The following TPST1 variants were observed in gnomAD, a reference collection of about 807,000 sequenced individuals.
TPST1 encodes the protein protein-tyrosine sulfotransferase 1.
TPST1 carries 20 observed loss-of-function variants against 34.8 expected under a neutral mutation model. The observed-to-expected ratio is 0.57, with a 90% CI of 0.40 to 0.84. TPST1 has a LOEUF of 0.84. Among genes scored for constraint, TPST1 ranks in the 40% least tolerant of loss-of-function variants. TPST1 has a pLI of 0.00. For synonymous variants in TPST1, 152 were observed against 159.4 expected (o/e 0.95, Z 0.35); for missense variants, 353 against 455.5 (o/e 0.78, Z 2.05).
chr7:66,306,492 G>C (rs7798630), intron 3 of TPST1, among the ~76,000 whole-genome samples: 101,182 of 151,986 alleles, frequency 0.67, 34,038 homozygotes, highest in African/African-American at 0.76. Context: ...TTCCCTGCTT[G>C]CTCTGACCAG....
At chr7:66,275,892 AT>A (rs1790799141) in intron 2 of TPST1, among the ~76,000 whole-genome samples, 1 of 152,152 alleles carries the variant, frequency 6.6e-6, no homozygotes, top group Admixed American at 6.6e-5. Flanking sequence ...AAAAGTGATT[AT>A]GTGAGGTAAT....
chr7:66,286,390 T>C (rs1376569300), intron 2 of TPST1, 121 bp from the exon 3 acceptor site: 2 of 751,214 alleles, frequency 2.7e-6, no homozygotes, highest in African/African-American at 3.6e-5. Context: ...AGTGCCCTCT[T>C]TCTCAATTGT....
intron 2 of TPST1, among the ~76,000 whole-genome samples, chr7:66,250,829 C>T (rs536293446): frequency 5.5e-4 from 84 of 152,244 alleles, no homozygotes; most frequent in African/African-American, 1.8e-3. Context: ...GTTACTTCAA[C>T]GTAAGCACTG....
intron 3 of TPST1, among the ~76,000 whole-genome samples, chr7:66,330,461 A>C: frequency 6.6e-6 from 1 of 152,166 alleles, no homozygotes; most frequent in East Asian, 1.9e-4. Flanking sequence ...GTCCTCTTAC[A>C]TCTTATTGTA....
At chr7:66,281,692 C>T (rs1195404867) in intron 2 of TPST1, among the ~76,000 whole-genome samples, 1 of 152,138 alleles carries the variant, frequency 6.6e-6, no homozygotes, top group Non-Finnish European at 1.5e-5. Context: ...GGATTATGTA[C>T]TCTTTCACTC....
chr7:66,235,235 G>C (rs1013297977), intron 1 of TPST1, among the ~76,000 whole-genome samples: 1 of 148,234 alleles, frequency 6.7e-6, no homozygotes, highest in African/African-American at 2.5e-5. Flanking sequence ...GCCCAGACTG[G>C]AGTACAATGG....
At chr7:66,280,533 T>A (rs1790911916) in intron 2 of TPST1, among the ~76,000 whole-genome samples, 1 of 152,060 alleles carries the variant, frequency 6.6e-6, no homozygotes, top group Non-Finnish European at 1.5e-5. Flanking sequence ...GACTGTGGGG[T>A]TTTCTAGGTA....
At chr7:66,313,966 T>A (rs1439296825) in intron 3 of TPST1, among the ~76,000 whole-genome samples, 1 of 152,222 alleles carries the variant, frequency 6.6e-6, no homozygotes, top group Non-Finnish European at 1.5e-5. Context: ...CTCTCTGTCT[T>A]CCATGATACT....
chr7:66,301,801 G>A (rs998699496), intron 3 of TPST1, among the ~76,000 whole-genome samples: 2 of 152,086 alleles, frequency 1.3e-5, no homozygotes, highest in African/African-American at 4.8e-5. Flanking sequence ...ATCTCTGATC[G>A]CACATCACCG....
intron 3 of TPST1, among the ~76,000 whole-genome samples, chr7:66,296,248 C>A (rs56167110): frequency 1.7e-5 from 1 of 58,062 alleles, no homozygotes; most frequent in Non-Finnish European, 3.5e-5. Context: ...ACCCACCCTT[C>A]CCCCCCCCCT....
At chr7:66,226,588 G>A (rs1173513054) in intron 1 of TPST1, among the ~76,000 whole-genome samples, 1 of 152,088 alleles carries the variant, frequency 6.6e-6, no homozygotes, top group African/African-American at 2.4e-5. Flanking sequence ...TCCCTTACAA[G>A]GCCTTTGATC....
chr7:66,355,882 G>T (rs1792571926), intron 4 of TPST1, among the ~76,000 whole-genome samples: 1 of 146,478 alleles, frequency 6.8e-6, no homozygotes, highest in Non-Finnish European at 1.5e-5. Context: ...TCCAACCTGG[G>T]TGACAGAGCA....
At chr7:66,294,331 C>T (rs1479548059) in intron 3 of TPST1, among the ~76,000 whole-genome samples, 2 of 152,136 alleles carry the variant, frequency 1.3e-5, no homozygotes, top group African/African-American at 4.8e-5. Context: ...CTGATATTCT[C>T]TTGTTTATAT....
chr7:66,201,854 T>TAAAAAAAAAAAAAAAA (rs1458236382), upstream of TPST1, among the ~76,000 whole-genome samples: 1 of 55,096 alleles, frequency 1.8e-5, no homozygotes. Flanking sequence ...CCCTGCCTAT[T>TAAAAAAAAAAAAAAAA]AAAATAAGAA....
At chr7:66,282,423 T>G (rs1361057018) in intron 2 of TPST1, among the ~76,000 whole-genome samples, 1 of 152,222 alleles carries the variant, frequency 6.6e-6, no homozygotes, top group Non-Finnish European at 1.5e-5. Context: ...ATGGTTATGT[T>G]CTAGTAAAAC....
At chr7:66,245,919 A>C (rs1790137435) in intron 2 of TPST1, among the ~76,000 whole-genome samples, 1 of 152,136 alleles carries the variant, frequency 6.6e-6, no homozygotes, top group Admixed American at 6.5e-5. Context: ...GTTTTCATGA[A>C]GCTATCAGAG....
At chr7:66,330,456 C>T (rs1323977170) in intron 3 of TPST1, among the ~76,000 whole-genome samples, 1 of 152,210 alleles carries the variant, frequency 6.6e-6, no homozygotes, top group African/African-American at 2.4e-5. Flanking sequence ...TCTCTGTCCT[C>T]TTACATCTTA....
In TPST1 at chr7:66,307,807, C is replaced by T. The variant is rs144288104; in HGVS notation, c.1044+21098C>T. 7.2e-3 allele frequency among the ~76,000 whole-genome samples: 1,089 copies of T among 152,278 alleles called. 17 individuals are homozygous for T. The highest frequency in any genetic ancestry group is 0.025 in the African/African-American group (1,023 of 41,548). ...GTAGGATATGAACTTTGTTCATTAGCGTTCTGAGCAAGGGAAACAGTGGCT... is the reference window on the plus strand; with the variant it reads ...GTAGGATATGAACTTTGTTCATTAGTGTTCTGAGCAAGGGAAACAGTGGCT... On this transcript the variant is annotated intron_variant, in intron 3 of 5. Transcript: ENST00000304842.
chr7:66,359,185 A>C (rs1792640830), intron 5 of TPST1: 1 of 142,862 alleles, frequency 7.0e-6, no homozygotes, highest in Non-Finnish European at 1.5e-5. Context: ...CCCCTGGGAC[A>C]CTTAAAGAAC....
Sources: allele counts gnomAD v4.1 joint callset (sites outside exome capture counted in the v4.1 genomes callset), GRCh38; gene constraint gnomAD v4.1.1; transcripts MANE v1.5; gene names NCBI Gene and HGNC (gene_info 2026-07-23, HGNC 2026-07-21).